The following BAIAP3 variants were observed in gnomAD, a reference collection of about 807,000 sequenced individuals.
BAIAP3 encodes BAI1 associated protein 3.
BAIAP3 carries 180 observed loss-of-function variants against 149.7 expected under a neutral mutation model. The ratio of observed to expected loss-of-function variants is 1.20; its 90% CI spans 1.07 to 1.36. BAIAP3 has a LOEUF of 1.36. BAIAP3 is among the 40% of genes most tolerant of loss of function. The pLI is 0.00. For missense variants in BAIAP3, 1,767 were observed against 1,563.4 expected (o/e 1.13, Z -2.20); for synonymous variants, 845 against 670.7 (o/e 1.26, Z -4.02).
chr16:1,344,550 A>G (rs11248872), intron 18 of BAIAP3, 25 bp downstream of exon 18: 1,453,546 of 1,612,452 alleles, frequency 0.9, 656,046 homozygotes, highest in East Asian at 1. Flanking sequence ...GACCCTGGCC[A>G]TGAGGGGTAC....
At chr16:1,339,870 CAG>C (rs1395437096) in intron 5 of BAIAP3, among the ~76,000 whole-genome samples, 1 of 148,098 alleles carries the variant, frequency 6.8e-6, no homozygotes, top group Non-Finnish European at 1.5e-5. Context: ...CAGGTGCACA[CAG>C]ACACACGCAC....
intron 1 of BAIAP3, among the ~76,000 whole-genome samples, chr16:1,335,384 G>A (rs984806042): frequency 2.6e-5 from 4 of 152,186 alleles, no homozygotes; most frequent in Admixed American, 2.6e-4. Flanking sequence ...GTATGGGGGG[G>A]TTCATCCTGC....
intron 1 of BAIAP3, among the ~76,000 whole-genome samples, chr16:1,337,936 C>G (rs1362562575): frequency 1.3e-5 from 2 of 152,190 alleles, no homozygotes; most frequent in Admixed American, 1.3e-4. Context: ...GGGGCATTGA[C>G]CCCCGCTGTG....
chr16:1,340,951 T>C lies in BAIAP3; in HGVS notation c.438T>C (p.Thr146=), dbSNP rs2141584004. The C allele has an allele frequency of 6.3e-7, 1 of 1,584,376 alleles. No individual in the cohort carries two copies. The highest frequency in any genetic ancestry group is 1.1e-5 in the South Asian group (1 of 87,628). Residue 146 remains threonine, a synonymous_variant, in exon 6 of 34, where the codon ACT becomes ACC. Transcript: ENST00000426824. ...QVFGTSLEEH[T]EAIERVRKAK... is the part of the protein sequence containing the mutation. ...TTGGCACCAGCCTTGAGGAGCACACTGAGGCCATCGAGCGAGTGAGGAAGG... is the reference window on the plus strand; with the variant it reads ...TTGGCACCAGCCTTGAGGAGCACACCGAGGCCATCGAGCGAGTGAGGAAGG...
chr16:1,347,387 G>A lies in BAIAP3; in HGVS notation c.2823+18G>A, dbSNP rs1264932829. The A allele has an allele frequency of 2.5e-6, 4 of 1,612,482 alleles. No homozygotes were observed. The highest frequency in any genetic ancestry group is 1.1e-5 in the South Asian group (1 of 90,946). ...GCTACAAGGTGAGGTGGGACCCTCT[G>A]TGGGGCGGGGGTGTGGATGAGGGGA... is the stretch of plus-strand genomic sequence containing the variant. On this transcript the variant is annotated intron_variant, in intron 29 of 33. Transcript: ENST00000426824.
intron 1 of BAIAP3, among the ~76,000 whole-genome samples, chr16:1,335,835 G>A (rs1015735390): frequency 6.6e-6 from 1 of 152,110 alleles, no homozygotes; most frequent in African/African-American, 2.4e-5. Flanking sequence ...TAGCACTGGG[G>A]ACACCAAAGA....
intron 1 of BAIAP3, chr16:1,336,357 G>T (rs118138478): frequency 0.054 from 53,657 of 985,276 alleles, 1,507 homozygotes; most frequent in Middle Eastern, 0.11. Context: ...CCATCTTTTG[G>T]GGGGGAGGCT....
rs2033336585 is a variant in BAIAP3 at position 1,334,547 on chromosome 16, T to C, written c.-11+798T>C. On this transcript the variant is annotated intron_variant, in intron 1 of 33. Coordinates refer to ENST00000426824, the MANE Select transcript of BAIAP3 (RefSeq NM_001199097.2). Reference sequence around the variant, plus strand: ...GAAGAAGGCGCCTCGGGCTCCGGTCTCCTGCGCTCCTGCTGGGCGCCAGCG... The same window carrying C: ...GAAGAAGGCGCCTCGGGCTCCGGTCCCCTGCGCTCCTGCTGGGCGCCAGCG... 3 of 945,630 alleles carry C rather than the reference T, an allele frequency of 3.2e-6. No homozygotes were observed. The East Asian group carries it at 8.0e-5, about 25-fold the overall frequency. 58.6% of individuals were successfully genotyped at this position (945,630 alleles called of 1,614,324 possible).
chr16:1,340,727 A>G (rs2033871387), intron 5 of BAIAP3, among the ~76,000 whole-genome samples, 195 bp from the exon 6 acceptor site: 1 of 151,892 alleles, frequency 6.6e-6, no homozygotes. Context: ...GGCCCTCATC[A>G]CACCCACCAT....
rs1041479822 is a variant in BAIAP3 at position 1,348,134 on chromosome 16, G to A, written c.3188G>A (p.Cys1063Tyr). ...GAGGCGTGCCGCCGCCGCGCGGCCT[G>A]TGTGTTGTTCACCGTCATGGACCAC... The part of the protein sequence containing the change: ...PAEACRRRAA[C>Y]VLFTVMDHDW... Residue 1063 changes from cysteine (C) to tyrosine (Y), a missense_variant, in exon 33 of 34, where the codon TGT becomes TAT. By Grantham distance (194) the Cys-to-Tyr change is radical. Transcript: ENST00000426824. 4 of 1,606,638 alleles carry A rather than the reference G, an allele frequency of 2.5e-6. No individual in the cohort carries two copies. Among genetic ancestry groups the A allele is most frequent in the Non-Finnish European group, 3.4e-6 (4 of 1,179,708 alleles).
intron 1 of BAIAP3, among the ~76,000 whole-genome samples, chr16:1,337,003 CTT>C (rs1455146439): frequency 1.3e-5 from 2 of 152,100 alleles, no homozygotes; most frequent in African/African-American, 4.8e-5. Flanking sequence ...GGGTACCTCT[CTT>C]GTGGTGGGGC....
intron 17 of BAIAP3, 70 bp downstream of exon 17, chr16:1,344,387 T>C: frequency 6.2e-7 from 1 of 1,608,520 alleles, no homozygotes; most frequent in Non-Finnish European, 8.5e-7. Flanking sequence ...TCCCGTCCCC[T>C]GCACCTCTGC....
At chr16:1,348,065 A>G (rs1350416504) in intron 32 of BAIAP3, 31 bp from the exon 33 acceptor site, 6 of 1,475,452 alleles carry the variant, frequency 4.1e-6, no homozygotes, top group Admixed American at 2.1e-5. Context: ...AGGCTGCCGG[A>G]GCGAGACTCC....
rs1346736451 is a variant in BAIAP3 at position 1,333,672 on chromosome 16, G to T, written c.-88G>T. ...TCGTCGGCGCGCGCGGCTGGGAGCG[G>T]TAGCTGTGCCTCGGCGTCCCCGAGC... is the stretch of plus-strand genomic sequence containing the variant. On this transcript the variant is annotated 5_prime_UTR_variant, in exon 1 of 34. Coordinates refer to ENST00000426824, the MANE Select transcript of BAIAP3 (RefSeq NM_001199097.2). 6.6e-6 allele frequency: 1 copy of T among 151,846 alleles called. No homozygotes were observed. The highest frequency in any genetic ancestry group is 2.4e-5 in the African/African-American group (1 of 41,414). The allele number at this position is 151,846 out of a possible 1,614,324, so 9.4% of individuals were successfully genotyped here.
At chr16:1,338,703 CCA>C (rs1232407288) in intron 2 of BAIAP3, 23 bp downstream of exon 2, 2 of 1,564,292 alleles carry the variant, frequency 1.3e-6, no homozygotes, top group Non-Finnish European at 1.7e-6. Context: ...GGGCCCAGCC[CCA>C]CACGCCCACA....
In BAIAP3 at chr16:1,338,571, A is replaced by G; in HGVS notation, c.22A>G (p.Lys8Glu). The G allele has an allele frequency of 6.2e-7, 1 of 1,608,916 alleles. No homozygotes were observed. The highest frequency in any genetic ancestry group is 8.5e-7 in the Non-Finnish European group (1 of 1,178,864). The stretch of plus-strand genomic sequence containing the variant: ...CGCCATGTCGACCTTGCTGGACATT[A>G]AGAGCAGCGTGCTCAGGCAGGTGCA... MSTLLDI[K>E]SSVLRQVQVC... Residue 8 changes from lysine to glutamate, a missense_variant, in exon 2 of 34, where the codon AAG becomes GAG. Transcript: ENST00000426824.
intron 2 of BAIAP3, 73 bp from the exon 3 acceptor site, chr16:1,338,829 G>T: frequency 6.3e-7 from 1 of 1,596,702 alleles, no homozygotes; most frequent in Non-Finnish European, 8.6e-7. Context: ...GGCCCTTCCT[G>T]CCCCTGGAGT....
chr16:1,339,463 G>T (rs749605753), intron 4 of BAIAP3, 33 bp from the exon 5 acceptor site: 2 of 1,583,832 alleles, frequency 1.3e-6, no homozygotes, highest in East Asian at 2.3e-5. Flanking sequence ...GGCCTGGGAC[G>T]CGGCACTGTG....
chr16:1,339,044 T>A, intron 3 of BAIAP3, 55 bp downstream of exon 3: 1 of 1,607,184 alleles, frequency 6.2e-7, no homozygotes, highest in Non-Finnish European at 8.5e-7. Context: ...GGCTCCCCCT[T>A]TGCTCCTCCC....
Sources: gnomAD v4.1 joint callset for allele counts (sites outside exome capture counted in the v4.1 genomes callset) on GRCh38, gnomAD v4.1.1 for gene constraint, MANE v1.5 for transcripts, NCBI Gene and HGNC (gene_info 2026-07-23, HGNC 2026-07-21) for gene names.